RALYL: variants seen among roughly 807,000 people sequenced by gnomAD.
The protein encoded by RALYL is RALY RNA binding protein like.
RALYL carries 29 observed loss-of-function variants against 35.1 expected under a neutral mutation model. The ratio of observed to expected loss-of-function variants is 0.83; its 90% CI spans 0.61 to 1.13. RALYL has a LOEUF of 1.13. Ranked by LOEUF, RALYL falls within the 50% of genes most tolerant of loss-of-function variation. The pLI is 0.00. For missense variants in RALYL, 359 were observed against 360.4 expected, an observed-to-expected ratio of 1.00 and a Z score of 0.03; for synonymous variants, 120 against 127.6, an observed-to-expected ratio of 0.94 and a Z score of 0.40.
intron 1 of RALYL, among the ~76,000 whole-genome samples, chr8:84,322,789 C>T (rs73688482): frequency 0.019 from 2,933 of 152,122 alleles, 105 homozygotes; most frequent in African/African-American, 0.067. Context: ...TCCCTACTTC[C>T]GGCCAGCTAT....
At chr8:84,314,197 T>C in intron 1 of RALYL, among the ~76,000 whole-genome samples, 1 of 152,028 alleles carries the variant, frequency 6.6e-6, no homozygotes, top group East Asian at 1.9e-4. Flanking sequence ...GGGTACAACA[T>C]GGGGAAAGCC....
At chr8:84,631,331 G>A (rs939104444) in intron 2 of RALYL, among the ~76,000 whole-genome samples, 2 of 151,888 alleles carry the variant, frequency 1.3e-5, no homozygotes, top group South Asian at 4.1e-4. Flanking sequence ...TTTTTTGTGG[G>A]TTCATATTTG....
intron 2 of RALYL, among the ~76,000 whole-genome samples, chr8:84,680,038 T>TC (rs1407782387): frequency 6.6e-6 from 1 of 151,954 alleles, no homozygotes; most frequent in Non-Finnish European, 1.5e-5. Context: ...TGTGTGATGT[T>TC]CCCTTCCTGT....
chr8:84,788,813 AG>A (rs979084398), intron 3 of RALYL, among the ~76,000 whole-genome samples: 5 of 152,176 alleles, frequency 3.3e-5, no homozygotes, highest in Admixed American at 1.3e-4. Flanking sequence ...TATGGGGGCC[AG>A]GAGAGCAGCT....
At chr8:84,643,547 A>G (rs546231792) in intron 2 of RALYL, among the ~76,000 whole-genome samples, 1 of 152,044 alleles carries the variant, frequency 6.6e-6, no homozygotes, top group African/African-American at 2.4e-5. Context: ...ATGAGCAGCC[A>G]GCATTCACAG....
intron 1 of RALYL, among the ~76,000 whole-genome samples, chr8:84,426,434 C>CTGTGTGTGTGTG (rs1310031203): frequency 1.5e-5 from 1 of 64,744 alleles, no homozygotes; most frequent in East Asian, 5.4e-4. Flanking sequence ...TTCTCTCTCT[C>CTGTGTGTGTGTG]TCTCTGTGTG....
chr8:84,347,421 T>C (rs898606138), intron 1 of RALYL, among the ~76,000 whole-genome samples: 2 of 152,078 alleles, frequency 1.3e-5, no homozygotes, highest in Non-Finnish European at 2.9e-5. Flanking sequence ...TATGTTTAGA[T>C]TTCTCCGTCT....
intron 1 of RALYL, among the ~76,000 whole-genome samples, chr8:84,425,783 CTGTGTGTG>C (rs1554662152): frequency 3.6e-4 from 52 of 144,598 alleles, no homozygotes; most frequent in African/African-American, 4.6e-4. Flanking sequence ...AGTTTTTCTT[CTGTGTGTG>C]TGTGTGTGTG....
intron 1 of RALYL, among the ~76,000 whole-genome samples, chr8:84,192,442 A>G (rs184895279): frequency 1.3e-5 from 2 of 152,330 alleles, no homozygotes; most frequent in Admixed American, 1.3e-4. Flanking sequence ...TAAAAAGTCA[A>G]ATTTTGGTAG....
intron 1 of RALYL, among the ~76,000 whole-genome samples, chr8:84,281,840 T>C (rs1217894185): frequency 6.6e-6 from 1 of 152,032 alleles, no homozygotes; most frequent in East Asian, 1.9e-4. Context: ...TATATACACA[T>C]GCACACATAC....
chr8:84,378,738 A>G (rs918472047), intron 1 of RALYL, among the ~76,000 whole-genome samples: 3 of 151,718 alleles, frequency 2.0e-5, no homozygotes, highest in African/African-American at 7.3e-5. Context: ...TCCTTGAGAC[A>G]CTTCACTTTT....
chr8:84,850,833 T>C (rs573490513), intron 5 of RALYL, among the ~76,000 whole-genome samples: 1 of 152,300 alleles, frequency 6.6e-6, no homozygotes, highest in Admixed American at 6.5e-5. Context: ...TTGTGAACTA[T>C]CTCTGAGAGT....
Position 84,183,411 on chromosome 8 carries a change from C to A in RALYL, c.-1037C>A, listed in dbSNP as rs1031049347. On this transcript the variant is annotated 5_prime_UTR_variant, in exon 1 of 9. Coordinates refer to ENST00000521268, the MANE Select transcript of RALYL (RefSeq NM_173848.7). ...GTTGGGCTCCGTGGGCTTCCCCCCT[C>A]GCAGCCTCGGTCCTTCCCCGCTGCC... 7 of 153,574 alleles carry A rather than the reference C, an allele frequency of 4.6e-5. No individual in the cohort carries two copies. The highest frequency in any genetic ancestry group is 1.8e-4 in the South Asian group (1 of 5,600). The allele number at this position is 153,574 out of a possible 1,614,324, so 9.5% of individuals were successfully genotyped here. A position where few individuals can be genotyped will look rare whatever the true frequency, so the allele number is the denominator to read the frequency against.
intron 2 of RALYL, among the ~76,000 whole-genome samples, chr8:84,555,220 A>G (rs2061026715): frequency 1.3e-5 from 2 of 152,316 alleles, no homozygotes; most frequent in South Asian, 4.1e-4. Flanking sequence ...CAGAGGTTGC[A>G]GTGAGCCGAG....
chr8:84,862,564 T>A (rs1054366332), intron 6 of RALYL, 111 bp downstream of exon 6: 1 of 812,904 alleles, frequency 1.2e-6, no homozygotes, highest in Non-Finnish European at 1.8e-6. Context: ...GGACCTGCTA[T>A]GTATAAAGTG....
chr8:84,739,251 G>T (rs1367438732), intron 2 of RALYL, among the ~76,000 whole-genome samples: 2 of 151,866 alleles, frequency 1.3e-5, no homozygotes, highest in Admixed American at 6.6e-5. Context: ...AAATGCTTTT[G>T]TTGGTTCATA....
rs575956257 is a variant in RALYL at position 84,774,516 on chromosome 8, A to AT, written c.257-60dup. 8.1e-5 allele frequency: 85 copies of AT among 1,050,840 alleles called. No homozygotes were observed. The South Asian group carries it at 1.2e-3, about 14-fold the overall frequency. 65.1% of individuals were successfully genotyped at this position (1,050,840 alleles called of 1,614,324 possible). A position where few individuals can be genotyped will look rare whatever the true frequency, so the allele number is the denominator to read the frequency against. ...GTAAAAAGAAAAATAAAAGTTCATG[A>AT]TTTACTTTTCTCAGATGGTTTCGTA... is the stretch of plus-strand genomic sequence containing the variant. On this transcript the variant is annotated intron_variant, in intron 2 of 8. Transcript: ENST00000521268.
Position 84,433,387 on chromosome 8 carries a change from G to A in RALYL, c.-23-95912G>A, listed in dbSNP as rs1488147568. ...GTATGTAGATTATAAATTCTTAGAG[G>A]GAGAGAATTATATTTTATAGTTTTG... On this transcript the variant is annotated intron_variant, in intron 1 of 8. Coordinates refer to ENST00000521268, the MANE Select transcript of RALYL (RefSeq NM_173848.7). 9.2e-5 allele frequency among the ~76,000 whole-genome samples: 14 copies of A among 151,926 alleles called. 1 individual carries two copies. The highest frequency in any genetic ancestry group is 9.2e-4 in the Admixed American group (14 of 15,214).
intron 2 of RALYL, among the ~76,000 whole-genome samples, chr8:84,670,682 G>A (rs1833033989): frequency 6.6e-6 from 1 of 152,230 alleles, no homozygotes; most frequent in Non-Finnish European, 1.5e-5. Flanking sequence ...ACCAGATCTT[G>A]TGAGCGTTAA....
Sources: allele counts gnomAD v4.1 joint callset (sites outside exome capture counted in the v4.1 genomes callset), GRCh38; gene constraint gnomAD v4.1.1; transcripts MANE v1.5; gene names NCBI Gene and HGNC (gene_info 2026-07-23, HGNC 2026-07-21).